Variants in CC2D2A observed in about 807,000 individuals in gnomAD.
The protein encoded by CC2D2A is coiled-coil and C2 domain-containing protein 2A.
Under a neutral mutation model 212.9 loss-of-function variants are expected in CC2D2A, and 155 were observed. That is an observed-to-expected ratio of 0.73 (90% confidence interval 0.64 to 0.83). CC2D2A has a LOEUF of 0.83. Among genes scored for constraint, CC2D2A ranks in the 40% least tolerant of loss-of-function variants. The pLI is 0.00. For synonymous variants in CC2D2A, 667 were observed against 686.5 expected (o/e 0.97, Z 0.44); for missense variants, 1,856 against 1,956.2 (o/e 0.95, Z 0.97).
intron 17 of CC2D2A, among the ~76,000 whole-genome samples, chr4:15,546,842 T>A (rs1241702902): frequency 6.6e-6 from 1 of 152,164 alleles, no homozygotes; most frequent in African/African-American, 2.4e-5. Flanking sequence ...AAGACAGGTG[T>A]GGTCATCTAA....
intron 30 of CC2D2A, among the ~76,000 whole-genome samples, chr4:15,581,967 G>A (rs1411087135): frequency 6.6e-6 from 1 of 152,172 alleles, no homozygotes; most frequent in African/African-American, 2.4e-5. Context: ...AAGAAGGTAA[G>A]AGTTCATTCA....
chr4:15,495,057 A>G (rs1715535400), intron 4 of CC2D2A, among the ~76,000 whole-genome samples: 2 of 152,042 alleles, frequency 1.3e-5, no homozygotes, highest in Non-Finnish European at 2.9e-5. Context: ...TAGTTTTTCA[A>G]CCCTCACCTG....
chr4:15,503,392 TTA>T (rs947748985), intron 6 of CC2D2A, among the ~76,000 whole-genome samples: 2 of 152,234 alleles, frequency 1.3e-5, no homozygotes, highest in African/African-American at 4.8e-5. Flanking sequence ...TCACATTTCA[TTA>T]TCCCTACAGG....
intron 34 of CC2D2A, among the ~76,000 whole-genome samples, chr4:15,596,994 T>C (rs1189683868): frequency 6.6e-6 from 1 of 150,410 alleles, no homozygotes. Flanking sequence ...ACGTAAAGTT[T>C]AGAAAACATG....
intron 28 of CC2D2A, among the ~76,000 whole-genome samples, chr4:15,571,252 C>G (rs553898143): frequency 1.2e-4 from 19 of 152,330 alleles, no homozygotes; most frequent in Non-Finnish European, 2.6e-4. Flanking sequence ...TTCTACAAGT[C>G]CTCACTATTT....
intron 29 of CC2D2A, among the ~76,000 whole-genome samples, chr4:15,577,366 T>C (rs562524697): frequency 1.3e-4 from 20 of 152,296 alleles, no homozygotes; most frequent in African/African-American, 4.1e-4. Context: ...GGCCAAAGAA[T>C]TGAGCCAGTC....
chr4:15,566,815 A>T (rs990522211), intron 24 of CC2D2A, among the ~76,000 whole-genome samples: 32 of 151,958 alleles, frequency 2.1e-4, no homozygotes, highest in African/African-American at 7.5e-4. Flanking sequence ...CCCTACAAAA[A>T]ATTTTAAAAA....
intron 6 of CC2D2A, among the ~76,000 whole-genome samples, chr4:15,508,395 A>G (rs767757845): frequency 6.6e-6 from 1 of 152,242 alleles, no homozygotes; most frequent in African/African-American, 2.4e-5. Context: ...TAAAATGTTT[A>G]GTCGTATCAT....
At position 15,550,992 on chromosome 4, in the gene CC2D2A, T is replaced by C. The variant is rs747708437; in HGVS notation, c.2338+12T>C. On this transcript the variant is annotated intron_variant, in intron 18 of 36. Transcript: ENST00000424120. ...GGGAGTTGGAAGTGGTATGGAAAGC[T>C]AATATCTTCAATGGTTCACTGTTTC... The C allele has an allele frequency of 3.2e-6, 5 of 1,565,956 alleles. No homozygotes were observed. In the East Asian group the frequency reaches 1.1e-4, roughly 35 times the overall value.
chr4:15,478,449 T>C lies in CC2D2A; in HGVS notation c.40-274T>C, dbSNP rs9995927. ...AGCATGGAACATAGTAAATGCTCAA[T>C]AAATGCTGTATGCATGAATGAGGAC... On this transcript the variant is annotated intron_variant, in intron 2 of 36. Coordinates refer to ENST00000424120, the MANE Select transcript of CC2D2A (RefSeq NM_001378615.1). Among the ~76,000 whole-genome samples the C allele has an allele frequency of 0.85, 129,426 of 152,218 alleles. 55,178 individuals are homozygous for C. Among genetic ancestry groups the C allele is most frequent in the East Asian group, 0.97 (5,039 of 5,184 alleles).
At chr4:15,556,187 A>G (rs1719271139) in intron 20 of CC2D2A, among the ~76,000 whole-genome samples, 1 of 152,232 alleles carries the variant, frequency 6.6e-6, no homozygotes, top group African/African-American at 2.4e-5. Flanking sequence ...CATTATTCAC[A>G]CAAAGCCATA....
intron 6 of CC2D2A, among the ~76,000 whole-genome samples, chr4:15,507,223 A>G (rs1716314541): frequency 6.6e-6 from 1 of 152,212 alleles, no homozygotes; most frequent in Non-Finnish European, 1.5e-5. Context: ...CACAGCTTCA[A>G]CTTCTGTACA....
intron 11 of CC2D2A, among the ~76,000 whole-genome samples, 196 bp from the exon 12 acceptor site, chr4:15,527,251 C>G (rs1291568433): frequency 6.6e-6 from 1 of 152,182 alleles, no homozygotes. Context: ...AACTCCCAGT[C>G]TTTCATTTTG....
At chr4:15,492,804 C>T (rs1378512585) in intron 4 of CC2D2A, 12 of 662,732 alleles carry the variant, frequency 1.8e-5, no homozygotes, top group Non-Finnish European at 3.4e-5. Flanking sequence ...AGGAAATGAG[C>T]TTGATAAAGT....
intron 3 of CC2D2A, chr4:15,479,155 C>T: frequency 2.6e-6 from 3 of 1,159,752 alleles, no homozygotes; most frequent in Non-Finnish European, 3.7e-6. Flanking sequence ...GATGGCAGTA[C>T]ACGATTACAA....
intron 17 of CC2D2A, among the ~76,000 whole-genome samples, chr4:15,544,753 C>T (rs1178200309): frequency 6.6e-6 from 1 of 152,192 alleles, no homozygotes; most frequent in Non-Finnish European, 1.5e-5. Flanking sequence ...AAAATGTAAA[C>T]AAAGCCTTCA....
chr4:15,502,637 G>A (rs142389729), intron 5 of CC2D2A, 120 bp downstream of exon 5: 2 of 1,051,584 alleles, frequency 1.9e-6, no homozygotes, highest in Non-Finnish European at 2.8e-6. Flanking sequence ...TGTCTTTCAA[G>A]TTTTAAATGT....
At chr4:15,545,712 TGG>T (rs1718674851) in intron 17 of CC2D2A, among the ~76,000 whole-genome samples, 1 of 53,848 alleles carries the variant, frequency 1.9e-5, no homozygotes, top group Non-Finnish European at 4.5e-5. Flanking sequence ...GCAGTAGAAA[TGG>T]GAAGATGGGA....
At chr4:15,539,779 A>T (rs190429294) in intron 16 of CC2D2A, among the ~76,000 whole-genome samples, 3 of 152,338 alleles carry the variant, frequency 2.0e-5, no homozygotes, top group Admixed American at 6.5e-5. Flanking sequence ...TGATTTGGTA[A>T]TCTTTTATGA....
Sources: gnomAD v4.1 joint callset for allele counts (sites outside exome capture counted in the v4.1 genomes callset) on GRCh38, gnomAD v4.1.1 for gene constraint, MANE v1.5 for transcripts, NCBI Gene and HGNC (gene_info 2026-07-23, HGNC 2026-07-21) for gene names.